TMEM82: variants seen among roughly 807,000 people sequenced by gnomAD.
TMEM82 encodes the protein transmembrane protein 82.
A neutral mutation model predicts 29.2 loss-of-function variants in TMEM82; 30 were observed. That is an observed-to-expected ratio of 1.03 (90% CI 0.77 to 1.39). TMEM82 has a LOEUF of 1.39. TMEM82 is among the 40% of genes most tolerant of loss of function. TMEM82 has a pLI of 0.00. For missense variants in TMEM82, 442 were observed against 447.7 expected, an observed-to-expected ratio of 0.99 and a Z score of 0.12; for synonymous variants, 221 against 225.4, an observed-to-expected ratio of 0.98 and a Z score of 0.18.
Position 15,744,328 on chromosome 1 carries a change from C to T in TMEM82, c.505C>T (p.Arg169Cys), listed in dbSNP as rs370846007. ...CACGCTGCTGGGCCTGGGTGCCCGGCGCCTCCACCGCCACGTCTGCCGCCT... is the reference window on the plus strand; with the variant it reads ...CACGCTGCTGGGCCTGGGTGCCCGGTGCCTCCACCGCCACGTCTGCCGCCT... ...LATLLGLGAR[R>C]LHRHVCRLYE... The change falls in exon 4 of 6, where the codon CGC (arginine) becomes TGC (cysteine). Residue 169 changes from arginine (R) to cysteine (C), a missense_variant. Transcript: ENST00000375782. This position sits in a 1 kb window ranked among gnomAD's most constrained non-coding sequence, Gnocchi z 5.2. 34 of 1,542,538 alleles carry T rather than the reference C, an allele frequency of 2.2e-5. No individual in the cohort carries two copies. Among genetic ancestry groups the T allele is most frequent in the South Asian group, 3.6e-5 (3 of 84,492 alleles).
chr1:15,747,568 C>A lies in TMEM82; in HGVS notation c.968C>A (p.Pro323Gln), dbSNP rs754917155. ...CAGGATTTTCCATCCCAGAGGCCTC[C>A]AGTGTCAACACCAAGCCAGCCCCTG... ...QIQDFPSQRP[P>Q]VSTPSQPLPS... is the part of the protein sequence containing the mutation. The change falls in exon 6 of 6, where the codon CCA becomes CAA. Residue 323 changes from proline (P) to glutamine (Q), a missense_variant. Physicochemically the swap from Pro to Gln is moderately conservative, Grantham distance 76. Coordinates refer to ENST00000375782, the MANE Select transcript of TMEM82 (RefSeq NM_001013641.3). 21 of 1,614,080 alleles carry A rather than the reference C, an allele frequency of 1.3e-5. No homozygotes were observed. The highest frequency in any genetic ancestry group is 1.7e-4 in the Middle Eastern group (1 of 6,058).
Position 15,744,424 on chromosome 1 carries a change from C to A in TMEM82, c.601C>A (p.Pro201Thr), listed in dbSNP as rs1433038716. ...LGLLAHAHGL[P>T]QLLGRALAIA... ...CCTGCTGGCCCATGCACATGGCCTCCCCCAGCTGCTGGGCCGTGCCCTGGC... is the reference window on the plus strand; with the variant it reads ...CCTGCTGGCCCATGCACATGGCCTCACCCAGCTGCTGGGCCGTGCCCTGGC... The change falls in exon 4 of 6, where the codon CCC becomes ACC. Residue 201 changes from proline (P) to threonine (T), a missense_variant. Coordinates refer to ENST00000375782, the MANE Select transcript of TMEM82 (RefSeq NM_001013641.3). The surrounding 1 kb of genome is among the most constrained non-coding windows in gnomAD (Gnocchi z 5.2). 3 of 1,591,770 alleles carry A rather than the reference C, an allele frequency of 1.9e-6. No individual in the cohort carries two copies. In the African/African-American group the frequency reaches 4.0e-5, roughly 21 times the overall value.
In TMEM82 at chr1:15,742,515, C is replaced by G; in HGVS notation, c.-45C>G. On this transcript the variant is annotated 5_prime_UTR_variant, in exon 1 of 6. Coordinates refer to ENST00000375782, the MANE Select transcript of TMEM82 (RefSeq NM_001013641.3). The stretch of plus-strand genomic sequence containing the variant: ...CTTTGCCCAGTGACGTTGGTCTGTC[C>G]TTACGCAGACCTGGCCGGAGGCTGG... 7.4e-6 allele frequency: 11 copies of G among 1,493,398 alleles called. No individual in the cohort carries two copies. Among genetic ancestry groups the G allele is most frequent in the Non-Finnish European group, 9.0e-6 (10 of 1,106,984 alleles). The allele number at this position is 1,493,398 out of a possible 1,614,324, so 92.5% of individuals were successfully genotyped here.
Position 15,747,627 on chromosome 1 carries a change from T to A in TMEM82, c.1027T>A (p.Ser343Thr). Reference sequence around the variant, plus strand: ...ACCCCAGTCCCAGAGTTCGGCCCCCTCTTGACCTGCCTCAGGGAGGATCTG... The same window carrying A: ...ACCCCAGTCCCAGAGTTCGGCCCCCACTTGACCTGCCTCAGGGAGGATCTG... Reference protein sequence around the residue: ...SAPQSQSSAPS With the variant: ...SAPQSQSSAPT The change falls in exon 6 of 6, where the codon TCT becomes ACT. Residue 343 changes from serine (S) to threonine (T), a missense_variant. Ser to Thr is a moderately conservative substitution (Grantham distance 58). Transcript: ENST00000375782. The A allele has an allele frequency of 6.2e-7, 1 of 1,613,786 alleles. No homozygotes were observed. The highest frequency in any genetic ancestry group is 8.5e-7 in the Non-Finnish European group (1 of 1,179,824).
In TMEM82 at chr1:15,744,692, GGTCAGGACAGAGGCT is replaced by G; in HGVS notation, c.757+115_757+129del. 7.6e-7 allele frequency: 1 copy of G among 1,309,496 alleles called. No homozygotes were observed. Among genetic ancestry groups the G allele is most frequent in the South Asian group, 1.5e-5 (1 of 65,466 alleles). 81.1% of individuals were successfully genotyped at this position (1,309,496 alleles called of 1,614,324 possible). ...TCACTCTTGCCATCCCAGAGAGCCTGGTCAGGACAGAGGCTGTGTGGCGGGGGCAGTGCAGAGAAG... is the reference window on the plus strand; with the variant it reads ...TCACTCTTGCCATCCCAGAGAGCCTGGTGTGGCGGGGGCAGTGCAGAGAAG... On this transcript the variant is annotated intron_variant, in intron 4 of 5. Transcript: ENST00000375782. This position sits in a 1 kb window ranked among gnomAD's most constrained non-coding sequence, Gnocchi z 5.2.
rs149663540 is a variant in TMEM82 at position 15,742,621 on chromosome 1, C to T, written c.62C>T (p.Ser21Phe). The T allele has an allele frequency of 6.3e-5, 102 of 1,609,646 alleles. No individual in the cohort carries two copies. The highest frequency in any genetic ancestry group is 3.6e-5 in the Non-Finnish European group (42 of 1,179,154). ...LPGLPSLEWG[S>F]SLLDSLLQGL... Reference sequence around the variant, plus strand: ...GGCCTCCCCTCCCTCGAGTGGGGCTCTAGCCTCCTTGACTCCCTCCTGCAA... The same window carrying T: ...GGCCTCCCCTCCCTCGAGTGGGGCTTTAGCCTCCTTGACTCCCTCCTGCAA... The change falls in exon 1 of 6, where the codon TCT becomes TTT. Residue 21 changes from serine to phenylalanine, a missense_variant. Physicochemically the swap from Ser to Phe is radical, Grantham distance 155. Transcript: ENST00000375782.
chr1:15,743,215 G>T, intron 3 of TMEM82, 21 bp downstream of exon 3: 1 of 1,597,922 alleles, frequency 6.3e-7, no homozygotes, highest in South Asian at 1.1e-5. Flanking sequence ...CGGGAAGGCA[G>T]TGGGTGGATC....
At position 15,744,181 on chromosome 1, in the gene TMEM82, A is replaced by G; in HGVS notation, c.358A>G (p.Arg120Gly). ...LGKGSQGAAE[R>G]LQLYLLCQYS... ...GCAGGGCTCCCAGGGTGCCGCCGAG[A>G]GGCTGCAGCTCTACCTGCTGTGCCA... The change falls in exon 4 of 6, where the codon AGG becomes GGG. Residue 120 changes from arginine (R) to glycine (G), a missense_variant. Physicochemically the swap from Arg to Gly is moderately radical, Grantham distance 125. Coordinates refer to ENST00000375782, the MANE Select transcript of TMEM82 (RefSeq NM_001013641.3). The surrounding 1 kb of genome is among the most constrained non-coding windows in gnomAD (Gnocchi z 5.2). 6.4e-7 allele frequency: 1 copy of G among 1,574,154 alleles called. No homozygotes were observed. Among genetic ancestry groups the G allele is most frequent in the Non-Finnish European group, 8.6e-7 (1 of 1,163,826 alleles).
Position 15,743,064 on chromosome 1 carries a change from G to A in TMEM82, c.206G>A (p.Trp69Ter), listed in dbSNP as rs1050513087. 1 of 1,607,272 alleles carries A rather than the reference G, an allele frequency of 6.2e-7. No homozygotes were observed. Among genetic ancestry groups the A allele is most frequent in the Non-Finnish European group, 8.5e-7 (1 of 1,177,190 alleles). ...RPEKERLRAQ[W>*]ASLETVHLAG... ...GAAAAGGAGCGGCTTCGGGCCCAGT[G>A]GGCCTCCCTGGAAACGGTGCACCTG... The change falls in exon 3 of 6, where the codon TGG (tryptophan) becomes TAG (stop). Residue 69 changes from tryptophan to a stop codon, truncating the protein, a stop_gained. Coordinates refer to ENST00000375782, the MANE Select transcript of TMEM82 (RefSeq NM_001013641.3). LOFTEE classifies it high-confidence loss of function.
At chr1:15,747,183 T>C in intron 5 of TMEM82, 129 bp downstream of exon 5, 1 of 1,007,440 alleles carries the variant, frequency 9.9e-7, no homozygotes, top group Non-Finnish European at 1.4e-6. Flanking sequence ...TCCCAAATAC[T>C]CAGGAGGCTG....
At chr1:15,746,577 C>T (rs1480019082) in intron 4 of TMEM82, among the ~76,000 whole-genome samples, 1 of 151,794 alleles carries the variant, frequency 6.6e-6, no homozygotes, top group Non-Finnish European at 1.5e-5. Flanking sequence ...GGACTAGAGG[C>T]GGGTGTGCGG....
At chr1:15,746,217 C>T (rs181911594) in intron 4 of TMEM82, among the ~76,000 whole-genome samples, 103 of 151,966 alleles carry the variant, frequency 6.8e-4, no homozygotes, top group Non-Finnish European at 8.4e-4. Context: ...AGCATGCTGG[C>T]TCATGCCTGT....
chr1:15,746,378 A>C (rs544800469), intron 4 of TMEM82, among the ~76,000 whole-genome samples: 149 of 145,022 alleles, frequency 1.0e-3, no homozygotes, highest in Non-Finnish European at 1.9e-3. Context: ...ATGCCACTGC[A>C]CTCCAGCCTG....
At position 15,744,817 on chromosome 1, in the gene TMEM82, G is replaced by A. The variant is rs1028046348; in HGVS notation, c.757+237G>A. Among the ~76,000 whole-genome samples, 8 of 152,178 alleles carry A rather than the reference G, an allele frequency of 5.3e-5. No individual in the cohort carries two copies. Among genetic ancestry groups the A allele is most frequent in the African/African-American group, 1.9e-4 (8 of 41,438 alleles). On this transcript the variant is annotated intron_variant, in intron 4 of 5. Transcript: ENST00000375782. This position sits in a 1 kb window ranked among gnomAD's most constrained non-coding sequence, Gnocchi z 5.2. ...GGAGATCCCTAAGAGAAGCGAGGCA[G>A]GGAACAGAATCTTGGACAGAGAGAA...
intron 3 of TMEM82, 140 bp downstream of exon 3, chr1:15,743,334 G>A: frequency 9.0e-7 from 1 of 1,114,932 alleles, no homozygotes; most frequent in Non-Finnish European, 1.2e-6. Flanking sequence ...AACAGAGGCT[G>A]CAGGTTGCAC....
chr1:15,746,034 G>GT lies in TMEM82; in HGVS notation c.758-824dup, dbSNP rs202126236. ...GCCACTGTGCCCGGCTTACTGCAGG[G>GT]TTTTTTTTTGTTGTTGTTTTGTTTT... On this transcript the variant is annotated intron_variant, in intron 4 of 5. Coordinates refer to ENST00000375782, the MANE Select transcript of TMEM82 (RefSeq NM_001013641.3). Among the ~76,000 whole-genome samples, 679 of 147,938 alleles carry GT rather than the reference G, an allele frequency of 4.6e-3. 12 individuals carry two copies. The highest frequency in any genetic ancestry group is 0.015 in the African/African-American group (602 of 39,892).
In TMEM82 at chr1:15,742,919, C is replaced by T. The variant is rs2068301714; in HGVS notation, c.161+12C>T. ...GTGGGCTGTGCCAAGTGAGTGCCCA[C>T]CTCATCCCCCCAGGGAATGTGGCTG... On this transcript the variant is annotated intron_variant, in intron 2 of 5. Coordinates refer to ENST00000375782, the MANE Select transcript of TMEM82 (RefSeq NM_001013641.3). 2 of 1,612,486 alleles carry T rather than the reference C, an allele frequency of 1.2e-6. No individual in the cohort carries two copies. The highest frequency in any genetic ancestry group is 2.2e-5 in the East Asian group (1 of 44,882).
intron 4 of TMEM82, 84 bp from the exon 5 acceptor site, chr1:15,746,783 C>A (rs1260690029): frequency 1.7e-6 from 2 of 1,203,920 alleles, no homozygotes; most frequent in East Asian, 2.6e-5. Context: ...GGGGAAGGCT[C>A]ATCCTGTGGA....
chr1:15,742,940 G>A (rs2068302343), intron 2 of TMEM82, 33 bp downstream of exon 2: 1 of 1,610,168 alleles, frequency 6.2e-7, no homozygotes, highest in Admixed American at 1.7e-5. Context: ...CAGGGAATGT[G>A]GCTGGGGGCA....
Sources: gnomAD v4.1 joint callset for allele counts (sites outside exome capture counted in the v4.1 genomes callset) on GRCh38, gnomAD v4.1.1 for gene constraint, Gnocchi (gnomAD v3.1) non-coding constraint, MANE v1.5 for transcripts, NCBI Gene and HGNC (gene_info 2026-07-23, HGNC 2026-07-21) for gene names.